Variants in SNX29 observed in about 807,000 individuals in gnomAD.
SNX29 encodes the protein sorting nexin-29.
In SNX29, 78 loss-of-function variants were observed where a neutral mutation model predicts 102.1. The ratio of observed to expected loss-of-function variants is 0.76; its 90% confidence interval spans 0.64 to 0.92. The LOEUF is 0.92. SNX29 is among the 40% of genes least tolerant of loss of function. The pLI, the probability that SNX29 is intolerant of heterozygous loss-of-function variation, is 0.00. For missense variants in SNX29, 1,280 were observed against 1,061.7 expected (o/e 1.21, Z -2.86); for synonymous variants, 580 against 414.5 (o/e 1.40, Z -4.85).
At chr16:12,297,560 G>C (rs2080023420) in intron 15 of SNX29, among the ~76,000 whole-genome samples, 2 of 151,802 alleles carry the variant, frequency 1.3e-5, no homozygotes, top group Non-Finnish European at 2.9e-5. Flanking sequence ...GAGATCTGAG[G>C]TGTCCTCAGC....
chr16:12,293,676 C>A (rs571761695), intron 15 of SNX29, among the ~76,000 whole-genome samples: 45 of 152,224 alleles, frequency 3.0e-4, no homozygotes, highest in African/African-American at 9.1e-4. Flanking sequence ...GTAGAAAGAA[C>A]ATATTGAACA....
intron 14 of SNX29, among the ~76,000 whole-genome samples, chr16:12,222,810 C>G (rs1043739607): frequency 6.6e-6 from 1 of 152,170 alleles, no homozygotes; most frequent in Non-Finnish European, 1.5e-5. Context: ...CTCAGGTGAT[C>G]CGCCCACCTC....
chr16:12,559,213 CTG>C (rs2078567282), intron 20 of SNX29, among the ~76,000 whole-genome samples: 3 of 152,194 alleles, frequency 2.0e-5, no homozygotes, highest in Non-Finnish European at 4.4e-5. Flanking sequence ...AGCGCTTCGT[CTG>C]TATTTACAGC....
At chr16:12,349,145 C>T (rs1261076689) in intron 15 of SNX29, among the ~76,000 whole-genome samples, 1 of 152,214 alleles carries the variant, frequency 6.6e-6, no homozygotes, top group Non-Finnish European at 1.5e-5. Context: ...CACTTGCCCC[C>T]CGCCAAGCCT....
chr16:12,231,240 G>A (rs970509827), intron 14 of SNX29, among the ~76,000 whole-genome samples: 8 of 152,178 alleles, frequency 5.3e-5, no homozygotes, highest in Non-Finnish European at 1.2e-4. Flanking sequence ...CCTGGATTGG[G>A]TTGTAAAACT....
intron 14 of SNX29, among the ~76,000 whole-genome samples, chr16:12,270,118 C>T (rs2079048177): frequency 6.6e-6 from 1 of 152,116 alleles, no homozygotes; most frequent in South Asian, 2.1e-4. Flanking sequence ...ACCTTGGCCT[C>T]CCAAAGTCCT....
intron 6 of SNX29, among the ~76,000 whole-genome samples, chr16:12,046,921 A>C (rs1176294753): frequency 6.6e-6 from 1 of 152,162 alleles, no homozygotes; most frequent in Non-Finnish European, 1.5e-5. Context: ...GCCCGACCAC[A>C]GTGTTGGGTC....
Position 12,437,904 on chromosome 16 carries a change from G to T in SNX29, c.2037+34375G>T, listed in dbSNP as rs141412998. ...CTGGCATCTTCATGCTGGGCTTGCT[G>T]CAGCTGCCCACAGCCCAGGGCCCCA... On this transcript the variant is annotated intron_variant, in intron 18 of 20. Coordinates refer to ENST00000566228, the MANE Select transcript of SNX29 (RefSeq NM_032167.5). 1.9e-3 allele frequency among the ~76,000 whole-genome samples: 289 copies of T among 152,234 alleles called. 2 individuals are homozygous for T. Among genetic ancestry groups the T allele is most frequent in the African/African-American group, 6.3e-3 (262 of 41,544 alleles).
At chr16:12,563,977 G>A (rs1248009724) in intron 20 of SNX29, among the ~76,000 whole-genome samples, 1 of 142,818 alleles carries the variant, frequency 7.0e-6, no homozygotes, top group Non-Finnish European at 1.5e-5. Context: ...TTTCAGATAA[G>A]GTTCCCTCTG....
intron 15 of SNX29, among the ~76,000 whole-genome samples, chr16:12,306,161 T>C (rs762298968): frequency 1.3e-5 from 2 of 152,138 alleles, no homozygotes; most frequent in Non-Finnish European, 2.9e-5. Context: ...GTGAACAGAC[T>C]ATTTTATTTT....
At chr16:12,040,828 T>A (rs2049851987) in intron 4 of SNX29, among the ~76,000 whole-genome samples, 1 of 152,206 alleles carries the variant, frequency 6.6e-6, no homozygotes, top group South Asian at 2.1e-4. Flanking sequence ...TACAATATGA[T>A]GTGGTTTTAT....
At position 12,553,213 on chromosome 16, in the gene SNX29, G is replaced by A. The variant is rs561240913; in HGVS notation, c.2319-15293G>A. On this transcript the variant is annotated intron_variant, in intron 20 of 20. Coordinates refer to ENST00000566228, the MANE Select transcript of SNX29 (RefSeq NM_032167.5). ...AGCTGCAGTTATTTCCAGTAGCCATGCTCGCAGATGGGGACTTGAGAATAC... is the reference window on the plus strand; with the variant it reads ...AGCTGCAGTTATTTCCAGTAGCCATACTCGCAGATGGGGACTTGAGAATAC... 3.7e-4 allele frequency among the ~76,000 whole-genome samples: 57 copies of A among 152,252 alleles called. No homozygotes were observed. The South Asian group carries it at 6.0e-3, about 16-fold the overall frequency.
chr16:12,491,841 T>C (rs1490018700), intron 19 of SNX29, among the ~76,000 whole-genome samples: 1 of 152,216 alleles, frequency 6.6e-6, no homozygotes, highest in Non-Finnish European at 1.5e-5. Context: ...CATCCATGTC[T>C]GTACAAAGGA....
intron 20 of SNX29, among the ~76,000 whole-genome samples, chr16:12,546,094 CTGTGTGACTTTGGACA>C (rs2077589338): frequency 6.6e-6 from 1 of 152,154 alleles, no homozygotes; most frequent in Non-Finnish European, 1.5e-5. Flanking sequence ...TCTCACTTCA[CTGTGTGACTTTGGACA>C]ATGTATTCTC....
chr16:12,460,563 TC>T (rs754775645), intron 18 of SNX29, among the ~76,000 whole-genome samples: 25 of 151,956 alleles, frequency 1.6e-4, no homozygotes, highest in South Asian at 8.3e-4. Context: ...ATGTCACCTC[TC>T]CTTCTGGCCT....
rs550257944 is a variant in SNX29 at position 12,047,187 on chromosome 16, C to T, written c.499+733C>T. 4.6e-5 allele frequency among the ~76,000 whole-genome samples: 7 copies of T among 152,256 alleles called. No individual in the cohort carries two copies. The East Asian group carries it at 7.7e-4, about 17-fold the overall frequency. ...GGGCTGTGAGAGAATCATGTGAGAT[C>T]AGGAGTCGCACACATGACGAGTCAA... On this transcript the variant is annotated intron_variant, in intron 6 of 20. Coordinates refer to ENST00000566228, the MANE Select transcript of SNX29 (RefSeq NM_032167.5).
At chr16:12,425,553 ATAAAAAG>A (rs2085036999) in intron 18 of SNX29, among the ~76,000 whole-genome samples, 4 of 70,390 alleles carry the variant, frequency 5.7e-5, no homozygotes, top group Non-Finnish European at 1.2e-4. Context: ...AATAAAAAAA[ATAAAAAG>A]AGGGAATAGA....
chr16:12,098,042 C>A lies in SNX29; in HGVS notation c.1402+19127C>A, dbSNP rs1319568123. Among the ~76,000 whole-genome samples, 1 of 152,288 alleles carries A rather than the reference C, an allele frequency of 6.6e-6. No individual in the cohort carries two copies. The highest frequency in any genetic ancestry group is 2.4e-5 in the African/African-American group (1 of 41,568). Reference sequence around the variant, plus strand: ...CTTTGCCATTTACTTTGTCCGTTTCCTTATTTCCAAAAGGAGGTGAATAGC... The same window carrying A: ...CTTTGCCATTTACTTTGTCCGTTTCATTATTTCCAAAAGGAGGTGAATAGC... On this transcript the variant is annotated intron_variant, in intron 11 of 20. Coordinates refer to ENST00000566228, the MANE Select transcript of SNX29 (RefSeq NM_032167.5). This position sits in a 1 kb window ranked among gnomAD's most constrained non-coding sequence, Gnocchi z 6.0.
chr16:12,094,880 C>T (rs774329772), intron 11 of SNX29, among the ~76,000 whole-genome samples: 1 of 151,854 alleles, frequency 6.6e-6, no homozygotes, highest in Non-Finnish European at 1.5e-5. Flanking sequence ...TAAAACCTCT[C>T]GCCTCCTGCA....
Sources: allele counts gnomAD v4.1 joint callset (sites outside exome capture counted in the v4.1 genomes callset), GRCh38; gene constraint gnomAD v4.1.1; non-coding constraint Gnocchi (gnomAD v3.1); transcripts MANE v1.5; gene names NCBI Gene and HGNC (gene_info 2026-07-23, HGNC 2026-07-21).